The following DYNC1H1 variants were observed in gnomAD, a reference collection of about 807,000 sequenced individuals.
DYNC1H1 encodes the protein cytoplasmic dynein 1 heavy chain 1.
DYNC1H1 carries 51 observed loss-of-function variants against 527.1 expected under a neutral mutation model. The observed-to-expected ratio is 0.10, with a 90% CI of 0.08 to 0.12. The LOEUF (loss-of-function observed/expected upper bound fraction) is 0.12. Ranked by LOEUF, DYNC1H1 falls within the 10% of genes least tolerant of loss-of-function variation. The pLI, the probability that DYNC1H1 is intolerant of heterozygous loss-of-function variation, is 1.00. For synonymous variants in DYNC1H1, 2,189 were observed against 2,278.8 expected (o/e 0.96, Z 1.12); for missense variants, 2,771 against 5,971.8 (o/e 0.46, Z 17.66).
At position 101,977,589 on chromosome 14, in the gene DYNC1H1, C is replaced by T. The variant is rs192745378; in HGVS notation, c.345-1730C>T. ...TAATTATAGTACATGTTGAAATTGT[C>T]TCAATGATGTCCCTTATACTAATTT... is the stretch of plus-strand genomic sequence containing the variant. On this transcript the variant is annotated intron_variant, in intron 2 of 77. Transcript: ENST00000360184. 1.8e-4 allele frequency among the ~76,000 whole-genome samples: 28 copies of T among 152,300 alleles called. No homozygotes were observed. In the East Asian group the frequency reaches 4.8e-3, roughly 26 times the overall value.
chr14:101,964,706 G>T lies in DYNC1H1; in HGVS notation c.15G>T (p.Gly5=). 6.3e-7 allele frequency: 1 copy of T among 1,595,414 alleles called. No individual in the cohort carries two copies. The highest frequency in any genetic ancestry group is 8.5e-7 in the Non-Finnish European group (1 of 1,175,748). MSEP[G]GGGGEDGSAG... ...AGCGCGACACCATGTCGGAGCCCGG[G>T]GGCGGCGGCGGCGAGGACGGCTCGG... Residue 5 remains glycine, a synonymous_variant, in exon 1 of 78, where the codon GGG becomes GGT. Coordinates refer to ENST00000360184, the MANE Select transcript of DYNC1H1 (RefSeq NM_001376.5). This position sits in a 1 kb window ranked among gnomAD's most constrained non-coding sequence, Gnocchi z 5.5.
Position 102,016,924 on chromosome 14 carries a change from G to A in DYNC1H1, c.7773G>A (p.Leu2591=). The change falls in exon 38 of 78, where the codon CTG becomes CTA. Residue 2591 remains leucine (L), a synonymous_variant. Transcript: ENST00000360184. This position sits in a 1 kb window ranked among gnomAD's most constrained non-coding sequence, Gnocchi z 7.3. ...CTTGGCTGGCCGAACACAAGCCCCTGGTCTTGTGTGGCCCTCCTGGGTCTG... is the reference window on the plus strand; with the variant it reads ...CTTGGCTGGCCGAACACAAGCCCCTAGTCTTGTGTGGCCCTCCTGGGTCTG... ...LYTWLAEHKP[L]VLCGPPGSGK... The A allele has an allele frequency of 6.2e-7, 1 of 1,614,226 alleles. No homozygotes were observed. Among genetic ancestry groups the A allele is most frequent in the Admixed American group, 1.7e-5 (1 of 60,030 alleles).
chr14:101,992,989 G>GCCAC (rs1225269333), intron 11 of DYNC1H1, among the ~76,000 whole-genome samples: 3 of 151,712 alleles, frequency 2.0e-5, no homozygotes, highest in Non-Finnish European at 4.4e-5. Flanking sequence ...CAGGCTGACA[G>GCCAC]CTCTGTGTTC....
At chr14:102,014,091 TC>T (rs2048291931) in intron 34 of DYNC1H1, among the ~76,000 whole-genome samples, 1 of 152,198 alleles carries the variant, frequency 6.6e-6, no homozygotes, top group African/African-American at 2.4e-5. Flanking sequence ...TGACAGCTGA[TC>T]CAGTAGAGTC....
At position 101,989,924 on chromosome 14, in the gene DYNC1H1, C is replaced by T. The variant is rs181908106; in HGVS notation, c.2868+1072C>T. 5.3e-5 allele frequency among the ~76,000 whole-genome samples: 8 copies of T among 152,212 alleles called. No individual in the cohort carries two copies. The East Asian group carries it at 5.8e-4, about 11-fold the overall frequency. On this transcript the variant is annotated intron_variant, in intron 10 of 77. Transcript: ENST00000360184. ...TATTTTTACTGTACCTTTTCTATGC[C>T]GACATATGTTTAAATACACAAATAC...
intron 43 of DYNC1H1, among the ~76,000 whole-genome samples, chr14:102,025,723 ATC>A (rs2048441989): frequency 6.6e-6 from 1 of 152,216 alleles, no homozygotes; most frequent in South Asian, 2.1e-4. Flanking sequence ...ACTCTGCAGT[ATC>A]TGTCTGTCAT....
Position 101,985,699 on chromosome 14 carries a change from G to A in DYNC1H1, c.1474G>A (p.Ala492Thr), listed in dbSNP as rs75648834. ...CTTTCTCCTTTAGGTCACGGCAGTT[G>A]CACAACAGAATCAAGGAGAGGTCCC... is the stretch of plus-strand genomic sequence containing the variant. ...RVLRPQVTAVAQQNQGEVPEP... is the reference protein window; with the variant it reads ...RVLRPQVTAVTQQNQGEVPEP... The change falls in exon 8 of 78, where the codon GCA (alanine) becomes ACA (threonine). Residue 492 changes from alanine (A) to threonine (T), a missense_variant. Transcript: ENST00000360184. This position sits in a 1 kb window ranked among gnomAD's most constrained non-coding sequence, Gnocchi z 5.9. 1.9e-6 allele frequency: 3 copies of A among 1,614,198 alleles called. No homozygotes were observed. Among genetic ancestry groups the A allele is most frequent in the Non-Finnish European group, 2.5e-6 (3 of 1,180,038 alleles).
rs1278419172 is a variant in DYNC1H1, at chr14:102,050,618, C to A, written c.*55C>A. The A allele has an allele frequency of 6.2e-6, 10 of 1,613,132 alleles. No individual in the cohort carries two copies. Among genetic ancestry groups the A allele is most frequent in the Admixed American group, 3.3e-5 (2 of 59,980 alleles). On this transcript the variant is annotated 3_prime_UTR_variant, in exon 78 of 78. Coordinates refer to ENST00000360184, the MANE Select transcript of DYNC1H1 (RefSeq NM_001376.5). ...TGAAAGTTGGTATTTAACATTTATT[C>A]ATTTTTAAAATATTTGGAAGGTCTG...
chr14:102,010,678 G>A lies in DYNC1H1; in HGVS notation c.6406-62G>A. ...CAGTTACTGATCACGCACCTCCTGG[G>A]GATGCAGCGGGCAGTACTTGAGCCA... On this transcript the variant is annotated intron_variant, in intron 31 of 77. Coordinates refer to ENST00000360184, the MANE Select transcript of DYNC1H1 (RefSeq NM_001376.5). The surrounding 1 kb of genome is among the most constrained non-coding windows in gnomAD (Gnocchi z 6.0). The A allele has an allele frequency of 6.2e-7, 1 of 1,601,612 alleles. No homozygotes were observed. Among genetic ancestry groups the A allele is most frequent in the Non-Finnish European group, 8.5e-7 (1 of 1,171,230 alleles).
In DYNC1H1 at chr14:102,033,616, C is replaced by G; in HGVS notation, c.10413+132C>G. The G allele has an allele frequency of 1.7e-6, 2 of 1,203,512 alleles. No individual in the cohort carries two copies. Among genetic ancestry groups the G allele is most frequent in the Non-Finnish European group, 2.4e-6 (2 of 843,842 alleles). The allele number at this position is 1,203,512 out of a possible 1,614,324, so 74.6% of individuals were successfully genotyped here. ...TTAACATCTGTAAGGCCCCGGAGGA[C>G]TTTTTTCCTGGAAAATAATACACAC... On this transcript the variant is annotated intron_variant, in intron 54 of 77. Coordinates refer to ENST00000360184, the MANE Select transcript of DYNC1H1 (RefSeq NM_001376.5). The surrounding 1 kb of genome is among the most constrained non-coding windows in gnomAD (Gnocchi z 5.6).
At position 102,016,216 on chromosome 14, in the gene DYNC1H1, T is replaced by TA; in HGVS notation, c.7473+131dup. On this transcript the variant is annotated intron_variant, in intron 36 of 77. Transcript: ENST00000360184. This position sits in a 1 kb window ranked among gnomAD's most constrained non-coding sequence, Gnocchi z 7.3. ...CGAGGCAGAGCCTTCGTTGAGGGGC[T>TA]AGGAAAGGTGCAGTGGGTGTCTGTG... 6.6e-7 allele frequency: 1 copy of TA among 1,504,258 alleles called. No homozygotes were observed. Among genetic ancestry groups the TA allele is most frequent in the South Asian group, 1.2e-5 (1 of 83,478 alleles). 93.2% of individuals were successfully genotyped at this position (1,504,258 alleles called of 1,614,324 possible). A position where few individuals can be genotyped will look rare whatever the true frequency, so the allele number is the denominator to read the frequency against.
At position 101,964,920 on chromosome 14, in the gene DYNC1H1, G is replaced by A. The variant is rs1307406561; in HGVS notation, c.229G>A (p.Val77Met). 6.2e-7 allele frequency: 1 copy of A among 1,600,124 alleles called. No individual in the cohort carries two copies. Among genetic ancestry groups the A allele is most frequent in the African/African-American group, 1.3e-5 (1 of 74,718 alleles). Residue 77 changes from valine to methionine, a missense_variant, in exon 1 of 78, where the codon GTG (valine) becomes ATG (methionine). Physicochemically the swap from Val to Met is conservative, Grantham distance 21 (BLOSUM62 1). Around this residue, in one of 32 missense-constraint regions of DYNC1H1, gnomAD observed 146 missense variants for 288.1 expected, o/e 0.51. Transcript: ENST00000360184. The surrounding 1 kb of genome is among the most constrained non-coding windows in gnomAD (Gnocchi z 5.5). ...KFLSDPQVHT[V>M]LVERSTLKED... ...CCTTTCGGACCCGCAGGTCCACACG[G>A]TGCTGGTGGAGCGCTCCACGCTCAA...
At chr14:101,977,623 T>A (rs866229564) in intron 2 of DYNC1H1, among the ~76,000 whole-genome samples, 1 of 152,190 alleles carries the variant, frequency 6.6e-6, no homozygotes, top group Non-Finnish European at 1.5e-5. Flanking sequence ...TTTCCCCTAA[T>A]TCAGAGTCCA....
rs2048823852 is a variant in DYNC1H1, at chr14:102,052,386, G to C, written c.*1823G>C. On this transcript the variant is annotated 3_prime_UTR_variant, in exon 78 of 78. Coordinates refer to ENST00000360184, the MANE Select transcript of DYNC1H1 (RefSeq NM_001376.5). ...GAGCTCAAGTGGTCCTCCCACCTTG[G>C]CCTCCCAAAATGCTGGGATTACAAG... The C allele has an allele frequency of 6.6e-6, 1 of 152,350 alleles. No homozygotes were observed. The highest frequency in any genetic ancestry group is 6.6e-5 in the Admixed American group (1 of 15,266). 9.4% of individuals were successfully genotyped at this position (152,350 alleles called of 1,614,324 possible).
intron 13 of DYNC1H1, 45 bp downstream of exon 13, chr14:101,994,894 A>T (rs775704684): frequency 6.2e-7 from 1 of 1,614,102 alleles, no homozygotes; most frequent in East Asian, 2.2e-5. Flanking sequence ...GTAGTGTAAA[A>T]GCAACATTTC....
chr14:101,999,300 C>T (rs374628580), intron 16 of DYNC1H1, among the ~76,000 whole-genome samples: 1 of 152,104 alleles, frequency 6.6e-6, no homozygotes, highest in East Asian at 1.9e-4. Flanking sequence ...GGACTACAGG[C>T]GTGCCCCACC....
At position 102,029,941 on chromosome 14, in the gene DYNC1H1, A is replaced by T; in HGVS notation, c.9762+3A>T. ...AGCAGGAGGCTGAAAAGAAGAAGGT[A>T]TGGTGTCAGGGAATTCTGGCCTGTA... On this transcript the variant is annotated splice_donor_region_variant and intron_variant, in intron 50 of 77. Transcript: ENST00000360184. The surrounding 1 kb of genome is among the most constrained non-coding windows in gnomAD (Gnocchi z 5.3). 6.2e-7 allele frequency: 1 copy of T among 1,614,096 alleles called. No homozygotes were observed. The highest frequency in any genetic ancestry group is 8.5e-7 in the Non-Finnish European group (1 of 1,180,002).
At position 102,016,652 on chromosome 14, in the gene DYNC1H1, A is replaced by T; in HGVS notation, c.7615-114A>T. ...CATGTGTTAGCAAAGAGTGCAGATT[A>T]ACCTGACCAATTACTTCCTTGTTCT... On this transcript the variant is annotated intron_variant, in intron 37 of 77. Transcript: ENST00000360184. The surrounding 1 kb of genome is among the most constrained non-coding windows in gnomAD (Gnocchi z 7.3). 6.5e-7 allele frequency: 1 copy of T among 1,533,934 alleles called. No homozygotes were observed. The highest frequency in any genetic ancestry group is 8.9e-7 in the Non-Finnish European group (1 of 1,121,744).
At chr14:101,976,280 C>A (rs2047799560) in intron 2 of DYNC1H1, among the ~76,000 whole-genome samples, 1 of 151,326 alleles carries the variant, frequency 6.6e-6, no homozygotes. Flanking sequence ...CGGTGGCTCA[C>A]GCCTGTAATC....
Sources: gnomAD v4.1 joint callset for allele counts (sites outside exome capture counted in the v4.1 genomes callset) on GRCh38, gnomAD v4.1.1 for gene constraint, gnomAD v4.1.1 regional missense constraint, Gnocchi (gnomAD v3.1) non-coding constraint, MANE v1.5 for transcripts, NCBI Gene and HGNC (gene_info 2026-07-23, HGNC 2026-07-21) for gene names.